The following CAMK1D variants were observed in gnomAD, a reference collection of about 807,000 sequenced individuals.
CAMK1D encodes calcium/calmodulin dependent protein kinase ID.
A neutral mutation model predicts 47.7 loss-of-function variants in CAMK1D; 9 were observed. The observed-to-expected ratio is 0.19, with a 90% CI of 0.11 to 0.33. CAMK1D has a LOEUF of 0.33. CAMK1D is among the 10% of genes least tolerant of loss of function. The probability of loss-of-function intolerance (pLI) is 1.00; values close to 1 mark genes in which losing one functional copy is unlikely to be tolerated. For missense variants in CAMK1D, 291 were observed against 488.7 expected (o/e 0.60, Z 3.81); for synonymous variants, 184 against 184.9 (o/e 0.99, Z 0.04).
intron 3 of CAMK1D, among the ~76,000 whole-genome samples, chr10:12,672,150 C>T (rs528763102): frequency 4.0e-5 from 6 of 151,744 alleles, no homozygotes; most frequent in East Asian, 2.0e-4. Context: ...CTCCTGACCT[C>T]GTGATCTGCC....
rs1367170972 is a variant in CAMK1D at position 12,779,363 on chromosome 10, G to C, written c.565+9564G>C. Among the ~76,000 whole-genome samples the C allele has an allele frequency of 2.0e-5, 3 of 152,156 alleles. No homozygotes were observed. In the South Asian group the frequency reaches 6.2e-4, roughly 32 times the overall value. ...CAGTAGGAAGTGACAGAAAACATCC[G>C]TATCAATCACGTAATTGACAAGACA... is the stretch of plus-strand genomic sequence containing the variant. On this transcript the variant is annotated intron_variant, in intron 5 of 10. Transcript: ENST00000619168.
intron 1 of CAMK1D, among the ~76,000 whole-genome samples, chr10:12,478,210 G>A (rs1381282493): frequency 2.0e-5 from 3 of 151,602 alleles, no homozygotes; most frequent in East Asian, 1.9e-4. Context: ...GGGTTTCACC[G>A]TGTTAGCCAG....
chr10:12,497,795 G>A (rs1408148425), intron 1 of CAMK1D, among the ~76,000 whole-genome samples: 1 of 152,194 alleles, frequency 6.6e-6, no homozygotes, highest in East Asian at 1.9e-4. Context: ...GAAGGATGTT[G>A]CAGGAAGATA....
At chr10:12,699,710 G>A (rs576814216) in intron 3 of CAMK1D, among the ~76,000 whole-genome samples, 12 of 150,540 alleles carry the variant, frequency 8.0e-5, no homozygotes, top group East Asian at 1.9e-4. Context: ...GTTTGCCGCC[G>A]TGGACTTCAT....
intron 1 of CAMK1D, among the ~76,000 whole-genome samples, chr10:12,384,020 A>T (rs1838419221): frequency 6.6e-6 from 1 of 152,244 alleles, no homozygotes; most frequent in South Asian, 2.1e-4. Flanking sequence ...GCAAGATCCA[A>T]GATCAGTATA....
intron 1 of CAMK1D, among the ~76,000 whole-genome samples, chr10:12,479,614 ACT>A (rs2132094911): frequency 6.6e-6 from 1 of 152,070 alleles, no homozygotes; most frequent in South Asian, 2.1e-4. Flanking sequence ...CAGGACAGGG[ACT>A]CTCACCTGGG....
intron 2 of CAMK1D, among the ~76,000 whole-genome samples, chr10:12,641,250 T>G (rs1346706525): frequency 1.3e-5 from 2 of 152,208 alleles, no homozygotes; most frequent in Non-Finnish European, 2.9e-5. Context: ...ATTACAAGCG[T>G]CAGCTACCGC....
intron 2 of CAMK1D, among the ~76,000 whole-genome samples, chr10:12,638,757 C>T (rs1323079316): frequency 6.6e-6 from 1 of 152,202 alleles, no homozygotes; most frequent in Non-Finnish European, 1.5e-5. Flanking sequence ...TGTGCAGCCC[C>T]ACCTGTCTGC....
At chr10:12,783,561 T>A (rs555703554) in intron 5 of CAMK1D, among the ~76,000 whole-genome samples, 1 of 152,328 alleles carries the variant, frequency 6.6e-6, no homozygotes, top group African/African-American at 2.4e-5. Context: ...GGGAAAATTC[T>A]TTTCTACTTC....
chr10:12,671,464 C>T (rs1840614430), intron 3 of CAMK1D, among the ~76,000 whole-genome samples: 1 of 151,928 alleles, frequency 6.6e-6, no homozygotes, highest in South Asian at 2.1e-4. Context: ...CTTATTAACA[C>T]TTACTCTCTG....
chr10:12,636,486 C>A (rs1278134878), intron 2 of CAMK1D, among the ~76,000 whole-genome samples: 1 of 152,130 alleles, frequency 6.6e-6, no homozygotes, highest in African/African-American at 2.4e-5. Flanking sequence ...TGCCACCACA[C>A]CAGGCTATTT....
At chr10:12,693,591 C>T (rs2130677845) in intron 3 of CAMK1D, among the ~76,000 whole-genome samples, 1 of 151,936 alleles carries the variant, frequency 6.6e-6, no homozygotes, top group African/African-American at 2.4e-5. Context: ...ATAATTGTAC[C>T]ACTGCACTCC....
chr10:12,425,650 C>T (rs1840205961), intron 1 of CAMK1D, among the ~76,000 whole-genome samples: 1 of 152,190 alleles, frequency 6.6e-6, no homozygotes, highest in Non-Finnish European at 1.5e-5. Context: ...TGCCTGGGAT[C>T]CGAATTGCTT....
intron 1 of CAMK1D, among the ~76,000 whole-genome samples, chr10:12,450,509 A>C (rs1564347390): frequency 6.6e-6 from 1 of 152,206 alleles, no homozygotes; most frequent in African/African-American, 2.4e-5. Flanking sequence ...GAAATCTGGA[A>C]GTTATTTGGT....
chr10:12,490,132 G>A (rs954495588), intron 1 of CAMK1D, among the ~76,000 whole-genome samples: 1 of 152,162 alleles, frequency 6.6e-6, no homozygotes, highest in African/African-American at 2.4e-5. Context: ...GTCTCCGAGG[G>A]CCTCTGAGTG....
intron 1 of CAMK1D, among the ~76,000 whole-genome samples, chr10:12,528,437 C>G (rs981537485): frequency 2.0e-5 from 3 of 152,210 alleles, no homozygotes; most frequent in Non-Finnish European, 4.4e-5. Context: ...AGGTGACTTG[C>G]AGAAGAGGTG....
chr10:12,475,261 C>G (rs1833868470), intron 1 of CAMK1D, among the ~76,000 whole-genome samples: 1 of 152,154 alleles, frequency 6.6e-6, no homozygotes, highest in African/African-American at 2.4e-5. Flanking sequence ...CACTCTGCAC[C>G]CATTAAACAA....
intron 1 of CAMK1D, among the ~76,000 whole-genome samples, chr10:12,396,539 C>T (rs1349722962): frequency 6.6e-6 from 1 of 152,204 alleles, no homozygotes; most frequent in African/African-American, 2.4e-5. Context: ...ACACTTCTTC[C>T]AGGCCCTCTG....
At position 12,761,211 on chromosome 10, in the gene CAMK1D, G is replaced by A. The variant is rs558932442; in HGVS notation, c.438+125G>A. On this transcript the variant is annotated intron_variant, in intron 4 of 10. Coordinates refer to ENST00000619168, the MANE Select transcript of CAMK1D (RefSeq NM_153498.4). ...GTAGAGTGGGTGCAGCAGATGGTGGGCATTTGTGTACTTTGAGTTGTCAGG... is the reference window on the plus strand; with the variant it reads ...GTAGAGTGGGTGCAGCAGATGGTGGACATTTGTGTACTTTGAGTTGTCAGG... 7.7e-5 allele frequency: 89 copies of A among 1,156,642 alleles called. 1 individual carries two copies. In the Middle Eastern group the frequency reaches 9.0e-4, roughly 12 times the overall value. The allele number at this position is 1,156,642 out of a possible 1,614,324, so 71.6% of individuals were successfully genotyped here.
Sources: allele counts gnomAD v4.1 joint callset (sites outside exome capture counted in the v4.1 genomes callset), GRCh38; gene constraint gnomAD v4.1.1; transcripts MANE v1.5; gene names NCBI Gene and HGNC (gene_info 2026-07-23, HGNC 2026-07-21).